KIAA1217: variants seen among roughly 807,000 people sequenced by gnomAD.
KIAA1217 encodes sickle tail protein homolog.
KIAA1217 carries 88 observed loss-of-function variants against 163.9 expected under a neutral mutation model. The ratio of observed to expected loss-of-function variants is 0.54; its 90% CI spans 0.45 to 0.64. The LOEUF (loss-of-function observed/expected upper bound fraction) is 0.64. Among genes scored for constraint, KIAA1217 ranks in the 30% least tolerant of loss-of-function variants. The pLI, the probability that KIAA1217 is intolerant of heterozygous loss-of-function variation, is 0.00. For missense variants in KIAA1217, 2,372 were observed against 2,475.0 expected (o/e 0.96, Z 0.88); for synonymous variants, 903 against 923.1 (o/e 0.98, Z 0.39).
At chr10:24,360,510 C>T (rs909313518) in intron 2 of KIAA1217, among the ~76,000 whole-genome samples, 18 of 152,202 alleles carry the variant, frequency 1.2e-4, no homozygotes, top group African/African-American at 4.1e-4. Flanking sequence ...TGCAAGCAGT[C>T]AGCCCATTAC....
chr10:24,001,419 A>G (rs1157799122), intron 1 of KIAA1217, among the ~76,000 whole-genome samples: 1 of 152,246 alleles, frequency 6.6e-6, no homozygotes, highest in African/African-American at 2.4e-5. Flanking sequence ...CTAGTGGATA[A>G]GATAGAAAGT....
intron 1 of KIAA1217, among the ~76,000 whole-genome samples, chr10:23,759,438 G>A (rs1416439291): frequency 6.6e-6 from 1 of 152,150 alleles, no homozygotes; most frequent in Non-Finnish European, 1.5e-5. Context: ...AGGACTTCCA[G>A]TACTGTGTTG....
intron 1 of KIAA1217, among the ~76,000 whole-genome samples, chr10:23,797,827 A>G (rs1836280262): frequency 6.6e-6 from 1 of 152,136 alleles, no homozygotes; most frequent in African/African-American, 2.4e-5. Flanking sequence ...ACAGAGCCAA[A>G]CCATATTATT....
chr10:24,545,735 AT>A, intron 20 of KIAA1217, 91 bp from the exon 21 acceptor site: 1 of 1,519,972 alleles, frequency 6.6e-7, no homozygotes, highest in South Asian at 1.3e-5. Flanking sequence ...CTTTGATTGA[AT>A]TATTCTCAGA....
intron 2 of KIAA1217, among the ~76,000 whole-genome samples, chr10:24,047,740 C>T (rs1056913518): frequency 4.6e-5 from 7 of 152,160 alleles, no homozygotes; most frequent in Admixed American, 2.0e-4. Context: ...TGGAGCTCAA[C>T]ATTGTCCACC....
chr10:24,069,455 G>A (rs917952431), intron 2 of KIAA1217, among the ~76,000 whole-genome samples: 11 of 152,200 alleles, frequency 7.2e-5, no homozygotes, highest in Non-Finnish European at 8.8e-5. Context: ...TCAGCACTCT[G>A]AGACAAGTGG....
At chr10:23,748,286 C>G (rs189845246) in intron 1 of KIAA1217, among the ~76,000 whole-genome samples, 225 of 152,092 alleles carry the variant, frequency 1.5e-3, no homozygotes, top group African/African-American at 5.2e-3. Context: ...TGGGTCTTAA[C>G]TGACACCTTC....
intron 12 of KIAA1217, among the ~76,000 whole-genome samples, chr10:24,522,327 T>TA (rs1276115664): frequency 3.3e-5 from 5 of 151,794 alleles, no homozygotes; most frequent in East Asian, 3.9e-4. Context: ...CCATTTCTTT[T>TA]AAAAAAATCA....
At chr10:23,893,401 G>T (rs774266511) in intron 1 of KIAA1217, among the ~76,000 whole-genome samples, 1 of 151,728 alleles carries the variant, frequency 6.6e-6, no homozygotes, top group Non-Finnish European at 1.5e-5. Flanking sequence ...TATTAGTCTT[G>T]CTAGTGGTCT....
chr10:23,747,739 T>C (rs1157155760), intron 1 of KIAA1217, among the ~76,000 whole-genome samples: 2 of 152,156 alleles, frequency 1.3e-5, no homozygotes, highest in African/African-American at 2.4e-5. Context: ...AGAAGCCCAA[T>C]CTAGAACTGG....
intron 1 of KIAA1217, among the ~76,000 whole-genome samples, chr10:23,971,749 T>C (rs999574864): frequency 3.9e-5 from 6 of 152,234 alleles, no homozygotes; most frequent in African/African-American, 1.4e-4. Context: ...GAGAATCCCC[T>C]TCCCTTCCCA....
rs530175960 is a variant in KIAA1217, at chr10:24,035,968, T to G, written c.-171+28594T>G. On this transcript the variant is annotated intron_variant, in intron 2 of 18. Transcript: ENST00000376462. ...GGAGCAGTCATGCATGAGCAACCAC[T>G]GGTGTCAAATCCTGCCAGAAAACAG... is the stretch of plus-strand genomic sequence containing the variant. Among the ~76,000 whole-genome samples the G allele has an allele frequency of 2.6e-5, 4 of 152,240 alleles. No homozygotes were observed. The South Asian group carries it at 8.3e-4, about 32-fold the overall frequency.
rs1204221933 is a variant in KIAA1217 at position 23,909,627 on chromosome 10, CT to C, written c.-320-97591del. On this transcript the variant is annotated intron_variant, in intron 1 of 18. Coordinates refer to the KIAA1217 transcript ENST00000376462. The stretch of plus-strand genomic sequence containing the variant: ...GTCCCTGCAAAGGATATGAACTCAT[CT>C]TTTTTTATGGCTGCATAGTATTCCA... Among the ~76,000 whole-genome samples the C allele has an allele frequency of 1.0e-3, 159 of 152,162 alleles. 1 individual carries two copies. The highest frequency in any genetic ancestry group is 7.4e-3 in the East Asian group (38 of 5,168).
chr10:23,781,865 A>C (rs1032515016), intron 1 of KIAA1217, among the ~76,000 whole-genome samples: 4 of 152,092 alleles, frequency 2.6e-5, no homozygotes, highest in Admixed American at 2.0e-4. Context: ...TCTTGTCAAA[A>C]ATTTGTTGAC....
At chr10:24,114,209 C>T (rs2062962543) in intron 2 of KIAA1217, among the ~76,000 whole-genome samples, 1 of 152,082 alleles carries the variant, frequency 6.6e-6, no homozygotes, top group Admixed American at 6.6e-5. Flanking sequence ...CCAGGCTCTG[C>T]GGTGAAGGAA....
At chr10:23,793,537 C>T (rs1836059822) in intron 1 of KIAA1217, among the ~76,000 whole-genome samples, 1 of 152,190 alleles carries the variant, frequency 6.6e-6, no homozygotes, top group Non-Finnish European at 1.5e-5. Context: ...AAAGTCCTGT[C>T]ATTCAATGAA....
intron 2 of KIAA1217, among the ~76,000 whole-genome samples, chr10:24,344,412 G>A (rs914334527): frequency 1.3e-5 from 2 of 152,170 alleles, no homozygotes; most frequent in Non-Finnish European, 2.9e-5. Context: ...GACTGATTTC[G>A]TATAAATGTC....
intron 1 of KIAA1217, among the ~76,000 whole-genome samples, chr10:23,704,319 A>C (rs1421103612): frequency 6.7e-6 from 1 of 149,666 alleles, no homozygotes; most frequent in Non-Finnish European, 1.5e-5. Flanking sequence ...TATAGTGTAC[A>C]ATTCATCCAT....
At chr10:24,208,771 T>C (rs1031690029), upstream of KIAA1217, 1 of 162,168 alleles carries the variant, frequency 6.2e-6, no homozygotes, top group Non-Finnish European at 1.3e-5. Context: ...ATGTGTGAAA[T>C]GTTTTCCTTC....
Sources: allele counts gnomAD v4.1 joint callset (sites outside exome capture counted in the v4.1 genomes callset), GRCh38; gene constraint gnomAD v4.1.1; transcripts MANE v1.5; gene names NCBI Gene and HGNC (gene_info 2026-07-23, HGNC 2026-07-21).